The following CADPS2 variants were observed in gnomAD, a reference collection of about 807,000 sequenced individuals.
The protein encoded by CADPS2 is calcium-dependent secretion activator 2.
Under a neutral mutation model 172.5 loss-of-function variants are expected in CADPS2, and 93 were observed. That is an observed-to-expected ratio of 0.54 (90% confidence interval 0.46 to 0.64). The LOEUF (loss-of-function observed/expected upper bound fraction) is 0.64. CADPS2 is among the 30% of genes least tolerant of loss of function. The probability of loss-of-function intolerance (pLI) is 0.00; values close to 1 mark genes in which losing one functional copy is unlikely to be tolerated. For missense variants in CADPS2, 1,420 were observed against 1,565.9 expected (o/e 0.91, Z 1.57); for synonymous variants, 546 against 555.2 (o/e 0.98, Z 0.23).
rs537667652 is a variant in CADPS2 at position 122,618,195 on chromosome 7, A to AT, written c.1105-2897dup. Among the ~76,000 whole-genome samples the AT allele has an allele frequency of 2.2e-4, 33 of 152,314 alleles. No homozygotes were observed. In the East Asian group the frequency reaches 6.4e-3, roughly 29 times the overall value. On this transcript the variant is annotated intron_variant, in intron 5 of 29. Transcript: ENST00000449022. The stretch of plus-strand genomic sequence containing the variant: ...GTGGATTGGCTCATCTCTTGCTTTA[A>AT]TATTTCTTCTGAAGCCTTAATGAAC...
intron 1 of CADPS2, among the ~76,000 whole-genome samples, chr7:122,855,542 G>A (rs1814952436): frequency 6.6e-6 from 1 of 152,158 alleles, no homozygotes; most frequent in African/African-American, 2.4e-5. Flanking sequence ...ATGTCATGGG[G>A]AGTCTGACCC....
intron 7 of CADPS2, among the ~76,000 whole-genome samples, chr7:122,570,398 G>T (rs1234296307): frequency 6.7e-6 from 1 of 149,534 alleles, no homozygotes; most frequent in African/African-American, 2.5e-5. Flanking sequence ...TGCTGGAGAG[G>T]ATGTGGAGAA....
chr7:122,419,954 G>A (rs901076659), intron 17 of CADPS2, among the ~76,000 whole-genome samples: 2 of 152,158 alleles, frequency 1.3e-5, no homozygotes, highest in Admixed American at 6.5e-5. Context: ...GAAGTATATA[G>A]GAGAAATAAA....
chr7:122,387,717 G>A (rs1043114513), intron 23 of CADPS2, among the ~76,000 whole-genome samples: 27 of 151,990 alleles, frequency 1.8e-4, no homozygotes, highest in Non-Finnish European at 3.1e-4. Context: ...GAAAGGAACT[G>A]CATCATGAGC....
At chr7:122,599,343 G>C (rs1001150823) in intron 6 of CADPS2, among the ~76,000 whole-genome samples, 4 of 152,028 alleles carry the variant, frequency 2.6e-5, no homozygotes, top group African/African-American at 7.2e-5. Flanking sequence ...AACCTAGCAA[G>C]GGCTCAAACC....
intron 6 of CADPS2, among the ~76,000 whole-genome samples, chr7:122,599,749 A>G (rs2072465041): frequency 6.6e-6 from 1 of 152,068 alleles, no homozygotes; most frequent in African/African-American, 2.4e-5. Flanking sequence ...CCCTTTGTAA[A>G]AGTGTATTTC....
intron 1 of CADPS2, chr7:122,849,695 A>G: frequency 5.9e-6 from 2 of 338,748 alleles, no homozygotes; most frequent in South Asian, 4.8e-5. Context: ...GGGTCTTTGC[A>G]TTCAAGGAGC....
intron 17 of CADPS2, among the ~76,000 whole-genome samples, chr7:122,430,657 A>T (rs1392459934): frequency 6.6e-6 from 1 of 152,210 alleles, no homozygotes. Flanking sequence ...CAAAAGAGGC[A>T]ATTCAATGAA....
At chr7:122,473,437 T>C (rs1297968165) in intron 13 of CADPS2, among the ~76,000 whole-genome samples, 1 of 152,238 alleles carries the variant, frequency 6.6e-6, no homozygotes, top group African/African-American at 2.4e-5. Flanking sequence ...GTTTTTCTTT[T>C]AACAAAGCTC....
At chr7:122,529,544 T>G (rs1455665634) in intron 8 of CADPS2, among the ~76,000 whole-genome samples, 2 of 152,086 alleles carry the variant, frequency 1.3e-5, no homozygotes, top group African/African-American at 4.8e-5. Context: ...AAAGCCAGTC[T>G]GGTGGTGTCT....
intron 2 of CADPS2, among the ~76,000 whole-genome samples, chr7:122,679,277 G>GGGGGGGCC (rs869229827): frequency 3.8e-5 from 4 of 104,526 alleles, no homozygotes; most frequent in African/African-American, 9.5e-5. Flanking sequence ...GGGGGGGGGG[G>GGGGGGGCC]CTCTAAAATG....
chr7:122,567,212 T>C (rs1302733831), intron 7 of CADPS2, among the ~76,000 whole-genome samples: 1 of 152,114 alleles, frequency 6.6e-6, no homozygotes, highest in Non-Finnish European at 1.5e-5. Context: ...TCTAGTAGCT[T>C]TTCTTCAAAA....
At chr7:122,787,137 A>G (rs1794229767) in intron 1 of CADPS2, among the ~76,000 whole-genome samples, 1 of 152,088 alleles carries the variant, frequency 6.6e-6, no homozygotes, top group Non-Finnish European at 1.5e-5. Context: ...AGGAACAGCT[A>G]ATGTGCATAT....
chr7:122,679,540 C>T (rs79429623), intron 2 of CADPS2, among the ~76,000 whole-genome samples: 7,543 of 152,104 alleles, frequency 0.05, 624 homozygotes, highest in African/African-American at 0.17. Flanking sequence ...GTGATCTCAC[C>T]CTGACCTTCT....
chr7:122,415,938 G>A (rs766254073), intron 18 of CADPS2, 123 bp downstream of exon 18: 1 of 499,398 alleles, frequency 2.0e-6, no homozygotes, highest in Non-Finnish European at 3.6e-6. Flanking sequence ...CTTATCGTTG[G>A]TGCTTATTCG....
intron 7 of CADPS2, among the ~76,000 whole-genome samples, chr7:122,574,738 T>A (rs1181919505): frequency 3.9e-5 from 6 of 152,012 alleles, no homozygotes; most frequent in African/African-American, 9.7e-5. Context: ...ACACACAACT[T>A]TGACACAATC....
intron 1 of CADPS2, among the ~76,000 whole-genome samples, chr7:122,781,234 A>C (rs1792634384): frequency 6.6e-6 from 1 of 152,158 alleles, no homozygotes; most frequent in Admixed American, 6.5e-5. Context: ...ATCCTATTAA[A>C]ATATCTTTTC....
At chr7:122,698,039 G>A in intron 2 of CADPS2, 3 of 1,613,710 alleles carry the variant, frequency 1.9e-6, no homozygotes, top group Non-Finnish European at 2.5e-6. Flanking sequence ...TTGCAAATGG[G>A]GCATGTCCCA....
At chr7:122,820,549 GTTTTTTGTTT>G (rs1242558792) in intron 1 of CADPS2, among the ~76,000 whole-genome samples, 2 of 99,784 alleles carry the variant, frequency 2.0e-5, no homozygotes, top group Non-Finnish European at 4.0e-5. Context: ...ACTGTTTTTT[GTTTTTTGTTT>G]TTTTTTTTTT....
Sources: gnomAD v4.1 joint callset for allele counts (sites outside exome capture counted in the v4.1 genomes callset) on GRCh38, gnomAD v4.1.1 for gene constraint, MANE v1.5 for transcripts, NCBI Gene and HGNC (gene_info 2026-07-23, HGNC 2026-07-21) for gene names.